MPPED2: variants seen among roughly 807,000 people sequenced by gnomAD.
MPPED2 encodes the protein metallophosphoesterase MPPED2.
In MPPED2, 5 loss-of-function variants were observed where a neutral mutation model predicts 33.0. The ratio of observed to expected loss-of-function variants is 0.15; its 90% CI spans 0.08 to 0.32. The LOEUF (loss-of-function observed/expected upper bound fraction) is 0.32. Ranked by LOEUF, MPPED2 falls within the 10% of genes least tolerant of loss-of-function variation. MPPED2 has a pLI of 1.00. For missense variants in MPPED2, 275 were observed against 372.1 expected (o/e 0.74, Z 2.15); for synonymous variants, 136 against 141.9 (o/e 0.96, Z 0.29).
intron 4 of MPPED2, among the ~76,000 whole-genome samples, chr11:30,474,962 C>T (rs1210165281): frequency 1.3e-5 from 2 of 152,098 alleles, no homozygotes; most frequent in Non-Finnish European, 2.9e-5. Context: ...GAGAATGTTG[C>T]TGATACAAAC....
chr11:30,453,697 T>C (rs1950160497), intron 4 of MPPED2, among the ~76,000 whole-genome samples: 1 of 152,214 alleles, frequency 6.6e-6, no homozygotes, highest in African/African-American at 2.4e-5. Context: ...TTCAAAATGG[T>C]AGATCTCATT....
At chr11:30,564,394 G>C (rs1289964808) in intron 2 of MPPED2, among the ~76,000 whole-genome samples, 1 of 152,168 alleles carries the variant, frequency 6.6e-6, no homozygotes, top group East Asian at 1.9e-4. Context: ...TACGTCCCCA[G>C]AAAATTTGGT....
intron 4 of MPPED2, among the ~76,000 whole-genome samples, chr11:30,421,695 A>G (rs1948624631): frequency 6.6e-6 from 1 of 152,178 alleles, no homozygotes; most frequent in South Asian, 2.1e-4. Flanking sequence ...CTGGCTCCAA[A>G]GCCTGGGTTC....
intron 4 of MPPED2, among the ~76,000 whole-genome samples, chr11:30,425,135 A>G (rs1482408656): frequency 2.0e-5 from 3 of 152,140 alleles, no homozygotes; most frequent in Admixed American, 2.0e-4. Context: ...TGTGTCATGG[A>G]CAGGAAAGGA....
At chr11:30,417,402 T>A in intron 5 of MPPED2, 116 bp downstream of exon 5, 1 of 540,318 alleles carries the variant, frequency 1.9e-6, no homozygotes, top group Non-Finnish European at 3.3e-6. Context: ...ACTTTTCTTC[T>A]CGTATTCACT....
At chr11:30,470,292 C>T (rs1037129219) in intron 4 of MPPED2, among the ~76,000 whole-genome samples, 4 of 152,056 alleles carry the variant, frequency 2.6e-5, no homozygotes, top group African/African-American at 9.7e-5. Context: ...TAATAAGCAG[C>T]AAGCACCACT....
intron 3 of MPPED2, among the ~76,000 whole-genome samples, chr11:30,525,986 C>T (rs1056140813): frequency 3.3e-5 from 5 of 152,132 alleles, no homozygotes; most frequent in African/African-American, 9.7e-5. Flanking sequence ...TTCAACTATG[C>T]TGTGTTTGGG....
At chr11:30,409,019 C>T (rs1948033024), downstream of MPPED2, among the ~76,000 whole-genome samples, 1 of 152,134 alleles carries the variant, frequency 6.6e-6, no homozygotes, top group Non-Finnish European at 1.5e-5. Flanking sequence ...ATGAGTCTGC[C>T]TTCTAGTTTT....
chr11:30,397,903 G>C (rs892183186), intron 6 of MPPED2, among the ~76,000 whole-genome samples: 1 of 152,066 alleles, frequency 6.6e-6, no homozygotes, highest in African/African-American at 2.4e-5. Flanking sequence ...CCTGTGAACT[G>C]ACAACCTTGT....
At chr11:30,417,385 G>T (rs1948414635) in intron 5 of MPPED2, 133 bp downstream of exon 5, 2 of 571,192 alleles carry the variant, frequency 3.5e-6, no homozygotes, top group Non-Finnish European at 6.3e-6. Flanking sequence ...TTTCTTTAAA[G>T]ACATTGACTT....
chr11:30,436,684 C>T (rs568088479), intron 4 of MPPED2, among the ~76,000 whole-genome samples: 3 of 152,120 alleles, frequency 2.0e-5, no homozygotes, highest in Non-Finnish European at 4.4e-5. Context: ...GATGTTTTAG[C>T]CTGTGCTGTA....
intron 6 of MPPED2, chr11:30,389,050 C>T (rs1947737632): frequency 7.0e-7 from 1 of 1,431,622 alleles, no homozygotes; most frequent in Non-Finnish European, 9.2e-7. Context: ...GTCTTGATTA[C>T]CTTCCCATTC....
chr11:30,449,573 G>T (rs1161796822), intron 4 of MPPED2, among the ~76,000 whole-genome samples: 11 of 150,322 alleles, frequency 7.3e-5, no homozygotes, highest in African/African-American at 2.8e-4. Context: ...AGCCCGGGAA[G>T]TAGAGGCTGC....
At chr11:30,434,465 T>C (rs183095700) in intron 4 of MPPED2, among the ~76,000 whole-genome samples, 13 of 152,284 alleles carry the variant, frequency 8.5e-5, no homozygotes, top group African/African-American at 3.1e-4. Context: ...CCCCAGGAAG[T>C]AACAACTGGA....
At chr11:30,459,623 C>G (rs777462881) in intron 4 of MPPED2, among the ~76,000 whole-genome samples, 4 of 152,168 alleles carry the variant, frequency 2.6e-5, no homozygotes, top group Admixed American at 2.0e-4. Context: ...TTCAAATCCA[C>G]AAAGCTTCAC....
At chr11:30,585,491 C>G (rs1362282948) in intron 1 of MPPED2, among the ~76,000 whole-genome samples, 3 of 152,158 alleles carry the variant, frequency 2.0e-5, no homozygotes, top group South Asian at 4.1e-4. Flanking sequence ...GCCCGGGGAT[C>G]GGGCCAACAC....
intron 3 of MPPED2, among the ~76,000 whole-genome samples, chr11:30,507,469 T>C (rs192298375): frequency 6.6e-6 from 1 of 152,332 alleles, no homozygotes; most frequent in Admixed American, 6.5e-5. Flanking sequence ...GGAAGCTGCA[T>C]AGAGCAAAAT....
At chr11:30,399,056 A>G (rs185097887) in intron 6 of MPPED2, among the ~76,000 whole-genome samples, 188 of 152,288 alleles carry the variant, frequency 1.2e-3, no homozygotes, top group African/African-American at 4.4e-3. Flanking sequence ...CTTCTACAAC[A>G]ATTTCATTAA....
chr11:30,568,243 T>C (rs910316630), intron 2 of MPPED2, among the ~76,000 whole-genome samples: 1 of 152,188 alleles, frequency 6.6e-6, no homozygotes, highest in African/African-American at 2.4e-5. Flanking sequence ...GTTCTGGGTA[T>C]ACTTTTTTTT....
Sources: allele counts gnomAD v4.1 joint callset (sites outside exome capture counted in the v4.1 genomes callset), GRCh38; gene constraint gnomAD v4.1.1; transcripts MANE v1.5; gene names NCBI Gene and HGNC (gene_info 2026-07-23, HGNC 2026-07-21).